The following ATM variants were observed in gnomAD, a reference collection of about 807,000 sequenced individuals.
ATM encodes the protein ATM serine/threonine kinase.
In ATM, 308 loss-of-function variants were observed where a neutral mutation model predicts 387.0. The observed-to-expected ratio is 0.80, with a 90% CI of 0.73 to 0.87. The LOEUF (loss-of-function observed/expected upper bound fraction) is 0.87, where lower values mean the gene tolerates loss of function less well. ATM is among the 40% of genes least tolerant of loss of function. The pLI is 0.00. For synonymous variants in ATM, 1,156 were observed against 1,187.3 expected (o/e 0.97, Z 0.54); for missense variants, 3,312 against 3,560.9 (o/e 0.93, Z 1.78).
At chr11:108,331,074 G>T in intron 50 of ATM, 1 of 696,484 alleles carries the variant, frequency 1.4e-6, no homozygotes, top group Non-Finnish European at 1.8e-6. Context: ...TATTACTTTT[G>T]GCCTATGGGG....
At chr11:108,287,014 A>G (rs980515730) in intron 26 of ATM, among the ~76,000 whole-genome samples, 4 of 152,186 alleles carry the variant, frequency 2.6e-5, no homozygotes, top group African/African-American at 9.7e-5. Context: ...TATAGTGGGA[A>G]GTAGATTAAT....
rs55863134 is a variant in ATM, at chr11:108,300,129, A to G, written c.5177+244A>G. Among the ~76,000 whole-genome samples, 330 of 152,330 alleles carry G rather than the reference A, an allele frequency of 2.2e-3. 3 individuals are homozygous for G. Among genetic ancestry groups the G allele is most frequent in the African/African-American group, 7.7e-3 (319 of 41,574 alleles). Reference sequence around the variant, plus strand: ...TTAAAATTTTAGTGGGACTAGACAAATAAACGATAAATAAGAAAAATGCCA... The same window carrying G: ...TTAAAATTTTAGTGGGACTAGACAAGTAAACGATAAATAAGAAAAATGCCA... On this transcript the variant is annotated intron_variant, in intron 34 of 62. Transcript: ENST00000675843.
At chr11:108,306,175 C>T (rs2083678925) in intron 37 of ATM, among the ~76,000 whole-genome samples, 1 of 152,008 alleles carries the variant, frequency 6.6e-6, no homozygotes, top group Admixed American at 6.6e-5. Flanking sequence ...TGTTGGCTAA[C>T]AGCAATTACA....
At chr11:108,344,068 G>C (rs2087963617) in intron 57 of ATM, among the ~76,000 whole-genome samples, 1 of 152,166 alleles carries the variant, frequency 6.6e-6, no homozygotes, top group African/African-American at 2.4e-5. Context: ...CTAATAAACA[G>C]AGCAAGGATT....
At chr11:108,347,024 A>T (rs1459567162) in intron 58 of ATM, among the ~76,000 whole-genome samples, 1 of 152,184 alleles carries the variant, frequency 6.6e-6, no homozygotes, top group African/African-American at 2.4e-5. Flanking sequence ...AATATTTTAA[A>T]ATGTGTGCCT....
intron 26 of ATM, chr11:108,287,073 G>A (rs1451696841): frequency 6.5e-6 from 1 of 152,814 alleles, no homozygotes; most frequent in Non-Finnish European, 1.5e-5. Context: ...ATTGATGAAA[G>A]GGGATGTGGA....
Position 108,353,835 on chromosome 11 carries a change from T to TTG in ATM, c.8744_8745dup (p.Asp2916TrpfsTer23), listed in dbSNP as rs1565579391. ...GTTCCTTTTAGACTCACCAGAGATA[T>TTG]TGTGGATGGCATGGGCATTACGGGT... On this transcript the variant is annotated frameshift_variant, in exon 60 of 63. Transcript: ENST00000675843. LOFTEE classifies it high-confidence loss of function. 1 of 1,614,074 alleles carries TTG rather than the reference T, an allele frequency of 6.2e-7. No homozygotes were observed. The highest frequency in any genetic ancestry group is 1.1e-5 in the South Asian group (1 of 91,076).
chr11:108,299,315 C>CTT (rs34021496), intron 33 of ATM, among the ~76,000 whole-genome samples: 3 of 143,334 alleles, frequency 2.1e-5, no homozygotes, highest in Non-Finnish European at 1.5e-5. Flanking sequence ...TTCTCTCTCT[C>CTT]TTTTTTTTTT....
At chr11:108,253,045 C>G (rs1039613515) in intron 12 of ATM, 133 bp downstream of exon 12, 1 of 728,388 alleles carries the variant, frequency 1.4e-6, no homozygotes, top group Non-Finnish European at 2.3e-6. Context: ...CAACTGTTAG[C>G]CAGGGAAGAG....
rs775561876 is a variant in ATM, at chr11:108,227,673, CAT to C, written c.50_51del (p.His17ArgfsTer2). ...GCTTATCTGCTGCCGTCAACTAGAA[CAT>C]GATAGAGCTACAGAACGAAAGGTAG... ...DLLICCRQLE[H>X]DRATERKKEV... On this transcript the variant is annotated frameshift_variant, in exon 2 of 63. Transcript: ENST00000675843. LOFTEE classifies it high-confidence loss of function. 1.2e-6 allele frequency: 2 copies of C among 1,613,716 alleles called. No individual in the cohort carries two copies. Among genetic ancestry groups the C allele is most frequent in the Non-Finnish European group, 1.7e-6 (2 of 1,179,848 alleles).
At chr11:108,234,840 T>TAA (rs58530637) in intron 4 of ATM, among the ~76,000 whole-genome samples, 7 of 148,258 alleles carry the variant, frequency 4.7e-5, no homozygotes, top group Non-Finnish European at 6.0e-5. Context: ...GACCCTGTCT[T>TAA]AAAAAAAAAA....
chr11:108,355,672 T>C (rs55949629), intron 61 of ATM: 16,282 of 152,290 alleles, frequency 0.11, 1,222 homozygotes, highest in Non-Finnish European at 0.15. Context: ...AGTATTACTT[T>C]TACTGCATTT....
At chr11:108,276,696 G>A (rs1013576985) in intron 22 of ATM, among the ~76,000 whole-genome samples, 1 of 152,174 alleles carries the variant, frequency 6.6e-6, no homozygotes, top group Admixed American at 6.5e-5. Context: ...CATGGAGGCT[G>A]CAGAACAGCA....
Position 108,258,887 on chromosome 11 carries a change from A to G in ATM, c.2377-99A>G, listed in dbSNP as rs557912814. 2.7e-4 allele frequency: 255 copies of G among 943,576 alleles called. 2 individuals are homozygous for G. In the Admixed American group the frequency reaches 4.7e-3, roughly 17 times the overall value. The allele number at this position is 943,576 out of a possible 1,614,324, so 58.5% of individuals were successfully genotyped here. A position where few individuals can be genotyped will look rare whatever the true frequency, so the allele number is the denominator to read the frequency against. The stretch of plus-strand genomic sequence containing the variant: ...TATATATTGGCCCTAATAGTAAACT[A>G]TTTATCTACATTCCATTCAAGATAG... On this transcript the variant is annotated intron_variant, in intron 15 of 62. Coordinates refer to ENST00000675843, the MANE Select transcript of ATM (RefSeq NM_000051.4).
intron 16 of ATM, among the ~76,000 whole-genome samples, chr11:108,262,513 C>T (rs1156664811): frequency 6.6e-6 from 1 of 152,234 alleles, no homozygotes; most frequent in African/African-American, 2.4e-5. Flanking sequence ...CAACCGGTAC[C>T]AGCCGCTGCA....
intron 45 of ATM, among the ~76,000 whole-genome samples, chr11:108,323,496 G>A (rs1460689020): frequency 6.6e-6 from 1 of 152,008 alleles, no homozygotes; most frequent in African/African-American, 2.4e-5. Context: ...AGCACAATAG[G>A]GCAACTGTAG....
intron 4 of ATM, among the ~76,000 whole-genome samples, chr11:108,232,975 G>A (rs942264147): frequency 6.6e-6 from 1 of 151,844 alleles, no homozygotes; most frequent in South Asian, 2.1e-4. Context: ...CGATTCTCCC[G>A]CCTCAGCTTC....
rs587782463 is a variant in ATM, at chr11:108,251,839, C to A, written c.1610C>A (p.Pro537His). 6.2e-7 allele frequency: 1 copy of A among 1,613,690 alleles called. No homozygotes were observed. Among genetic ancestry groups the A allele is most frequent in the Non-Finnish European group, 8.5e-7 (1 of 1,179,750 alleles). The change falls in exon 11 of 63, where the codon CCT becomes CAT. Residue 537 changes from proline (P) to histidine (H), a missense_variant and splice_region_variant. By Grantham distance (77) the Pro-to-His change is moderately conservative. This residue lies in a region of ATM where 1,791 missense variants were observed against 1,804.5 expected (regional missense o/e 0.99). Coordinates refer to ENST00000675843, the MANE Select transcript of ATM (RefSeq NM_000051.4). Reference protein sequence around the residue: ...FTGSACRPSCPAVCCLTLALT... With the variant: ...FTGSACRPSCHAVCCLTLALT... The stretch of plus-strand genomic sequence containing the variant: ...AATTGTCCTTTGTTTTGTTATAGTC[C>A]TGCAGTATGCTGTTTGACTTTGGCA...
At position 108,292,672 on chromosome 11, in the gene ATM, T is replaced by C. The variant is rs2082861857; in HGVS notation, c.4490T>C (p.Leu1497Ser). ...CGTAGCTTCTCCCTTTGTTGTGACT[T>C]ATTAAGTCAGGTTTGCCAGACAGCC... The part of the protein sequence containing the change: ...SLRSFSLCCD[L>S]LSQVCQTAVT... Residue 1497 changes from leucine to serine, a missense_variant, in exon 30 of 63, where the codon TTA becomes TCA. Coordinates refer to ENST00000675843, the MANE Select transcript of ATM (RefSeq NM_000051.4). 6.2e-7 allele frequency: 1 copy of C among 1,614,072 alleles called. No individual in the cohort carries two copies. The highest frequency in any genetic ancestry group is 2.2e-5 in the East Asian group (1 of 44,854).
Sources: gnomAD v4.1 joint callset for allele counts (sites outside exome capture counted in the v4.1 genomes callset) on GRCh38, gnomAD v4.1.1 for gene constraint, gnomAD v4.1.1 regional missense constraint, MANE v1.5 for transcripts, NCBI Gene and HGNC (gene_info 2026-07-23, HGNC 2026-07-21) for gene names.